CA1: variants seen among roughly 807,000 people sequenced by gnomAD.
CA1 encodes the protein carbonic anhydrase 1.
In CA1, 27 loss-of-function variants were observed where a neutral mutation model predicts 28.8. The observed-to-expected ratio is 0.94, with a 90% CI of 0.69 to 1.29. The LOEUF (loss-of-function observed/expected upper bound fraction) is 1.29, where lower values mean the gene tolerates loss of function less well. Among genes scored for constraint, CA1 ranks in the 50% most tolerant of loss-of-function variants. The pLI is 0.00. For missense variants in CA1, 335 were observed against 310.5 expected (o/e 1.08, Z -0.59); for synonymous variants, 121 against 108.8 (o/e 1.11, Z -0.70).
intron 1 of CA1, chr8:85,351,927 A>G (rs191056040): frequency 7.9e-5 from 12 of 152,354 alleles, no homozygotes; most frequent in African/African-American, 2.6e-4. Flanking sequence ...GCTACTGATG[A>G]AAGACTTGAA....
At chr8:85,332,056 TC>T (rs1303775444) in intron 6 of CA1, among the ~76,000 whole-genome samples, 2 of 152,166 alleles carry the variant, frequency 1.3e-5, no homozygotes, top group Admixed American at 6.5e-5. Context: ...TATCAAAAAA[TC>T]CATTTTTTTT....
At chr8:85,341,188 C>T (rs1808906891) in intron 2 of CA1, 1 of 157,514 alleles carries the variant, frequency 6.3e-6, no homozygotes. Flanking sequence ...TGATCACTAG[C>T]ATACTTTAGC....
chr8:85,336,956 A>G lies in CA1; in HGVS notation c.343T>C (p.Tyr115His). Residue 115 changes from tyrosine to histidine, a missense_variant, in exon 4 of 8, where the codon TAT becomes CAT. Tyr to His is a moderately conservative substitution (Grantham distance 83, BLOSUM62 2). Coordinates refer to ENST00000523022, the MANE Select transcript of CA1 (RefSeq NM_001128831.4). Reference protein sequence around the residue: ...GSEHTVDGVKYSAELHVAHWN... With the variant: ...GSEHTVDGVKHSAELHVAHWN... ...CTAAATTACATTACCTCGGCAGAAT[A>G]TTTGACTCCATCCACTGTATGTTCT... The G allele has an allele frequency of 6.3e-7, 1 of 1,595,896 alleles. No individual in the cohort carries two copies. Among genetic ancestry groups the G allele is most frequent in the Non-Finnish European group, 8.6e-7 (1 of 1,163,598 alleles).
At chr8:85,329,945 AT>A in intron 6 of CA1, 101 bp from the exon 7 acceptor site, 1 of 1,026,634 alleles carries the variant, frequency 9.7e-7, no homozygotes, top group African/African-American at 1.6e-5. Flanking sequence ...TTATTTAGAG[AT>A]TTTAGCTAAG....
chr8:85,342,831 A>G (rs1193940638), intron 1 of CA1: 1 of 152,162 alleles, frequency 6.6e-6, no homozygotes, highest in Admixed American at 6.5e-5. Context: ...AACCCCTGAA[A>G]GAAGAGAGGG....
At chr8:85,375,519 A>G (rs80017520) in intron 1 of CA1, among the ~76,000 whole-genome samples, 4 of 53,872 alleles carry the variant, frequency 7.4e-5, no homozygotes, top group African/African-American at 1.0e-4. Flanking sequence ...TTTTCTTTTG[A>G]AAAAAAAAAA....
chr8:85,338,312 C>A lies in CA1; in HGVS notation c.175G>T (p.Glu59Ter), dbSNP rs373804439. ...SVSYNPATAK[E>*]IINVGHSFHV... is the part of the protein sequence containing the mutation. ...AAGGAATGCCCCACATTGATAATTT[C>A]TTTGGCTGTGGCTGGGTTGTAGGAG... is the stretch of plus-strand genomic sequence containing the variant. The change falls in exon 3 of 8, where the codon GAA (glutamate) becomes TAA (stop). Residue 59 changes from glutamate to a stop codon, truncating the protein, a stop_gained. Coordinates refer to ENST00000523022, the MANE Select transcript of CA1 (RefSeq NM_001128831.4). LOFTEE classifies it high-confidence loss of function. The A allele has an allele frequency of 5.0e-6, 8 of 1,614,016 alleles. No homozygotes were observed. The highest frequency in any genetic ancestry group is 1.7e-5 in the Admixed American group (1 of 60,018).
At chr8:85,349,745 T>A (rs1347048671) in intron 1 of CA1, 1 of 152,210 alleles carries the variant, frequency 6.6e-6, no homozygotes, top group Admixed American at 6.5e-5. Context: ...AAGCTACTTG[T>A]GATTTATGCT....
At chr8:85,347,506 C>T (rs1158528311) in intron 1 of CA1, among the ~76,000 whole-genome samples, 1 of 152,174 alleles carries the variant, frequency 6.6e-6, no homozygotes, top group African/African-American at 2.4e-5. Context: ...AGAAAATAGT[C>T]ATATGCCTTG....
intron 4 of CA1, among the ~76,000 whole-genome samples, chr8:85,334,248 T>G (rs1808544308): frequency 6.6e-6 from 1 of 152,214 alleles, no homozygotes; most frequent in Non-Finnish European, 1.5e-5. Context: ...CCTGCTTAAT[T>G]TTACCTTCTT....
rs201889976 is a variant in CA1 at position 85,328,603 on chromosome 8, G to T, written c.743C>A (p.Pro248Gln). Residue 248 changes from proline to glutamine, a missense_variant, in exon 8 of 8, where the codon CCA (proline) becomes CAA (glutamine). Coordinates refer to ENST00000523022, the MANE Select transcript of CA1 (RefSeq NM_001128831.4). ...TGTTCTGCCCTTCAGAGGTTGGGTT[G>T]GGCGGTTGTTGTGCTGCATGGGGAC... The part of the protein sequence containing the change: ...NAVPMQHNNR[P>Q]TQPLKGRTVR... 51 of 1,611,840 alleles carry T rather than the reference G, an allele frequency of 3.2e-5. No homozygotes were observed. Among genetic ancestry groups the T allele is most frequent in the Non-Finnish European group, 4.2e-5 (49 of 1,178,396 alleles).
At chr8:85,349,188 T>C (rs555560014) in intron 1 of CA1, among the ~76,000 whole-genome samples, 1 of 152,208 alleles carries the variant, frequency 6.6e-6, no homozygotes, top group Non-Finnish European at 1.5e-5. Flanking sequence ...CCCAATAGAA[T>C]GAGACCATTT....
At chr8:85,359,760 TA>T (rs1809725643) in intron 1 of CA1, among the ~76,000 whole-genome samples, 1 of 152,242 alleles carries the variant, frequency 6.6e-6, no homozygotes, top group African/African-American at 2.4e-5. Context: ...GTAGGTATTA[TA>T]ACAAAGGCTT....
intron 1 of CA1, among the ~76,000 whole-genome samples, chr8:85,356,891 C>G (rs1299635879): frequency 1.3e-5 from 2 of 152,110 alleles, no homozygotes; most frequent in African/African-American, 4.8e-5. Flanking sequence ...GCTCTAAAAC[C>G]ATTGACAAAC....
chr8:85,344,428 T>TAAA (rs1164323706), intron 1 of CA1, among the ~76,000 whole-genome samples: 3 of 149,024 alleles, frequency 2.0e-5, no homozygotes, highest in Non-Finnish European at 4.4e-5. Flanking sequence ...TTTAGGGTAC[T>TAAA]AAATATTTTT....
At chr8:85,338,958 C>T (rs1248515448) in intron 2 of CA1, among the ~76,000 whole-genome samples, 5 of 151,960 alleles carry the variant, frequency 3.3e-5, no homozygotes, top group African/African-American at 9.7e-5. Flanking sequence ...TCAAGTGATC[C>T]ACCTGCCTTG....
intron 4 of CA1, among the ~76,000 whole-genome samples, chr8:85,334,839 A>G (rs1808581125): frequency 6.6e-6 from 1 of 152,078 alleles, no homozygotes; most frequent in Non-Finnish European, 1.5e-5. Flanking sequence ...AAAAATACAA[A>G]ATTAGCCGGG....
intron 1 of CA1, among the ~76,000 whole-genome samples, chr8:85,360,526 T>C (rs560156638): frequency 6.6e-6 from 1 of 152,116 alleles, no homozygotes; most frequent in East Asian, 1.9e-4. Context: ...ACCCCATCTC[T>C]ACTAAAAAAC....
intron 1 of CA1, among the ~76,000 whole-genome samples, chr8:85,342,240 T>C (rs1564027976): frequency 1.3e-5 from 2 of 152,230 alleles, no homozygotes; most frequent in Non-Finnish European, 1.5e-5. Context: ...TTGGAATTCA[T>C]AAATGGAGAA....
Sources: gnomAD v4.1 joint callset for allele counts (sites outside exome capture counted in the v4.1 genomes callset) on GRCh38, gnomAD v4.1.1 for gene constraint, MANE v1.5 for transcripts, NCBI Gene and HGNC (gene_info 2026-07-23, HGNC 2026-07-21) for gene names.